TOM1L2: variants seen among roughly 807,000 people sequenced by gnomAD.
The protein encoded by TOM1L2 is TOM1-like protein 2.
Under a neutral mutation model 67.9 loss-of-function variants are expected in TOM1L2, and 31 were observed. That is an observed-to-expected ratio of 0.46 (90% CI 0.34 to 0.62). The LOEUF is 0.62. TOM1L2 is among the 20% of genes least tolerant of loss of function. The pLI is 0.01. For synonymous variants in TOM1L2, 256 were observed against 254.0 expected (o/e 1.01, Z -0.07); for missense variants, 606 against 663.5 (o/e 0.91, Z 0.95).
At chr17:17,895,277 A>G (rs1402996059) in intron 3 of TOM1L2, among the ~76,000 whole-genome samples, 1 of 152,148 alleles carries the variant, frequency 6.6e-6, no homozygotes, top group Non-Finnish European at 1.5e-5. Flanking sequence ...TGCCTCCTCA[A>G]AACGATGTCA....
intron 1 of TOM1L2, among the ~76,000 whole-genome samples, chr17:17,971,267 T>C (rs1436049057): frequency 1.3e-5 from 2 of 152,062 alleles, no homozygotes; most frequent in African/African-American, 4.8e-5. Flanking sequence ...TCACATCTCA[T>C]CTCCAAACAC....
At chr17:17,914,747 T>G (rs2039557172) in intron 1 of TOM1L2, among the ~76,000 whole-genome samples, 1 of 152,118 alleles carries the variant, frequency 6.6e-6, no homozygotes, top group South Asian at 2.1e-4. Flanking sequence ...GAAGTCAGAT[T>G]CTTACTATTT....
chr17:17,958,948 C>T (rs1465213576), intron 1 of TOM1L2, among the ~76,000 whole-genome samples: 2 of 152,162 alleles, frequency 1.3e-5, no homozygotes, highest in Admixed American at 1.3e-4. Flanking sequence ...CCATTAATAC[C>T]CCTAAACGAT....
intron 1 of TOM1L2, among the ~76,000 whole-genome samples, chr17:17,930,349 T>C (rs1294432785): frequency 6.6e-6 from 1 of 152,042 alleles, no homozygotes. Context: ...GAGACTCTTG[T>C]GAAAGTGGTT....
chr17:17,947,578 A>G (rs570186302), intron 1 of TOM1L2, among the ~76,000 whole-genome samples: 1 of 152,226 alleles, frequency 6.6e-6, no homozygotes, highest in Non-Finnish European at 1.5e-5. Flanking sequence ...CCAAACCTGC[A>G]GCTTGATCTT....
At chr17:17,936,855 C>T (rs2040534812) in intron 1 of TOM1L2, among the ~76,000 whole-genome samples, 1 of 152,124 alleles carries the variant, frequency 6.6e-6, no homozygotes, top group Non-Finnish European at 1.5e-5. Context: ...GAAAATTTTT[C>T]TCTACTTCTC....
intron 3 of TOM1L2, among the ~76,000 whole-genome samples, chr17:17,895,663 G>A (rs1455341648): frequency 6.6e-6 from 1 of 152,176 alleles, no homozygotes; most frequent in Non-Finnish European, 1.5e-5. Flanking sequence ...AGCCTTCTCT[G>A]GAGCCCCAGT....
intron 1 of TOM1L2, among the ~76,000 whole-genome samples, chr17:17,910,446 A>C (rs1230095464): frequency 1.3e-5 from 2 of 152,176 alleles, no homozygotes; most frequent in African/African-American, 2.4e-5. Flanking sequence ...TATGGATCTC[A>C]GCCCTGGCTG....
rs1271156973 is a variant in TOM1L2, at chr17:17,845,644, A to C, written c.*1991T>G. ...CCAGCTCTGGCAGGGCCTCAGAGACAACCCAAGTCACAACCCAAAGGCAGC... is the reference window on the plus strand; with the variant it reads ...CCAGCTCTGGCAGGGCCTCAGAGACCACCCAAGTCACAACCCAAAGGCAGC... On this transcript the variant is annotated 3_prime_UTR_variant, in exon 15 of 15. Transcript: ENST00000379504. 2 of 152,160 alleles carry C rather than the reference A, an allele frequency of 1.3e-5. No homozygotes were observed. The highest frequency in any genetic ancestry group is 2.9e-5 in the Non-Finnish European group (2 of 68,026). 9.4% of individuals were successfully genotyped at this position (152,160 alleles called of 1,614,324 possible). A position where few individuals can be genotyped will look rare whatever the true frequency, so the allele number is the denominator to read the frequency against.
chr17:17,912,397 C>T (rs1435986299), intron 1 of TOM1L2, among the ~76,000 whole-genome samples: 9 of 149,948 alleles, frequency 6.0e-5, no homozygotes, highest in Admixed American at 1.3e-4. Context: ...GACGGGGCGG[C>T]TGCTGGGCAG....
Position 17,843,570 on chromosome 17 carries a change from G to A in TOM1L2, c.*4065C>T, listed in dbSNP as rs1181711131. 1.3e-5 allele frequency: 2 copies of A among 152,242 alleles called. No individual in the cohort carries two copies. The highest frequency in any genetic ancestry group is 4.8e-5 in the African/African-American group (2 of 41,426). The allele number at this position is 152,242 out of a possible 1,614,324, so 9.4% of individuals were successfully genotyped here. ...ACATGCAAGAACCCAATTAGAGAGA[G>A]GGTATCTGGAAGGAGGGCCAGTGGG... On this transcript the variant is annotated 3_prime_UTR_variant, in exon 15 of 15. Coordinates refer to ENST00000379504, the MANE Select transcript of TOM1L2 (RefSeq NM_001082968.2).
intron 12 of TOM1L2, among the ~76,000 whole-genome samples, chr17:17,860,889 C>G (rs553511395): frequency 6.6e-6 from 1 of 152,362 alleles, no homozygotes; most frequent in Admixed American, 6.5e-5. Context: ...CTCACCGCCA[C>G]AGGACACCCT....
At chr17:17,897,637 C>G (rs1004509241) in intron 3 of TOM1L2, among the ~76,000 whole-genome samples, 1 of 152,176 alleles carries the variant, frequency 6.6e-6, no homozygotes, top group Non-Finnish European at 1.5e-5. Context: ...TCTGTTCCTT[C>G]CTGAAAAAAA....
intron 12 of TOM1L2, among the ~76,000 whole-genome samples, chr17:17,855,444 G>C (rs2036207481): frequency 6.6e-6 from 1 of 152,136 alleles, no homozygotes. Flanking sequence ...CCTGCAAAAG[G>C]GAGACACCCC....
intron 8 of TOM1L2, among the ~76,000 whole-genome samples, chr17:17,867,223 G>A (rs970256732): frequency 1.4e-5 from 2 of 141,770 alleles, no homozygotes; most frequent in African/African-American, 6.1e-5. Context: ...GGCCCTGGAG[G>A]GAGGGTGGCT....
chr17:17,884,777 A>AT lies in TOM1L2; in HGVS notation c.367-10dup. On this transcript the variant is annotated splice_polypyrimidine_tract_variant and intron_variant, in intron 4 of 14. Coordinates refer to ENST00000379504, the MANE Select transcript of TOM1L2 (RefSeq NM_001082968.2). ...AAGGCATCAGCCCATGCCTGGGATA[A>AT]TAGAAGGCCTGTTAGGAAGCATTTC... 2 of 1,613,104 alleles carry AT rather than the reference A, an allele frequency of 1.2e-6. No individual in the cohort carries two copies. Among genetic ancestry groups the AT allele is most frequent in the Non-Finnish European group, 1.7e-6 (2 of 1,180,010 alleles).
intron 1 of TOM1L2, among the ~76,000 whole-genome samples, chr17:17,941,272 T>C (rs1385946364): frequency 9.2e-5 from 14 of 152,156 alleles, no homozygotes; most frequent in African/African-American, 3.4e-4. Context: ...CCAGAGGGCT[T>C]TGCAGGAAGT....
At chr17:17,969,364 C>A (rs2041985366) in intron 1 of TOM1L2, among the ~76,000 whole-genome samples, 1 of 152,122 alleles carries the variant, frequency 6.6e-6, no homozygotes, top group Non-Finnish European at 1.5e-5. Context: ...CCTACAGCTG[C>A]TGTTTTTAAT....
intron 1 of TOM1L2, among the ~76,000 whole-genome samples, chr17:17,938,688 CTT>C (rs2040604177): frequency 6.6e-6 from 1 of 152,086 alleles, no homozygotes; most frequent in South Asian, 2.1e-4. Context: ...ACTACCTAAC[CTT>C]TACTGACTTA....
Sources: allele counts gnomAD v4.1 joint callset (sites outside exome capture counted in the v4.1 genomes callset), GRCh38; gene constraint gnomAD v4.1.1; transcripts MANE v1.5; gene names NCBI Gene and HGNC (gene_info 2026-07-23, HGNC 2026-07-21).